The following CTNNA1 variants were observed in gnomAD, a reference collection of about 807,000 sequenced individuals.
The protein encoded by CTNNA1 is catenin alpha-1.
Under a neutral mutation model 98.4 loss-of-function variants are expected in CTNNA1, and 37 were observed. The ratio of observed to expected loss-of-function variants is 0.38; its 90% CI spans 0.29 to 0.49. CTNNA1 has a LOEUF of 0.49. CTNNA1 is among the 20% of genes least tolerant of loss of function. The pLI, the probability that CTNNA1 is intolerant of heterozygous loss-of-function variation, is 0.95. For missense variants in CTNNA1, 761 were observed against 1,147.2 expected (o/e 0.66, Z 4.86); for synonymous variants, 404 against 413.2 (o/e 0.98, Z 0.27).
At chr5:138,845,442 T>C (rs1180910618) in intron 7 of CTNNA1, among the ~76,000 whole-genome samples, 1 of 152,268 alleles carries the variant, frequency 6.6e-6, no homozygotes, top group Non-Finnish European at 1.5e-5. Flanking sequence ...TGGAGCCTGA[T>C]TCTACCTTTC....
chr5:138,827,264 T>TG (rs1760819249), intron 6 of CTNNA1, among the ~76,000 whole-genome samples: 1 of 152,252 alleles, frequency 6.6e-6, no homozygotes, highest in South Asian at 2.1e-4. Context: ...ATGATATGTT[T>TG]GTATTTGTGG....
intron 7 of CTNNA1, among the ~76,000 whole-genome samples, chr5:138,832,589 A>G (rs1233213721): frequency 4.6e-5 from 7 of 152,202 alleles, no homozygotes; most frequent in Non-Finnish European, 1.0e-4. Context: ...ATTTTTTTTC[A>G]TGATTGAAAT....
rs376046929 is a variant in CTNNA1 at position 138,800,097 on chromosome 5, A to G, written c.302-9941A>G. 1.8e-4 allele frequency among the ~76,000 whole-genome samples: 28 copies of G among 152,256 alleles called. 1 individual carries two copies. The East Asian group carries it at 4.1e-3, about 22-fold the overall frequency. ...TTTTTAGTAGAGACGGGGTTTTGCCATGTTGGCCAGGCTGGTTTTGAACTC... is the reference window on the plus strand; with the variant it reads ...TTTTTAGTAGAGACGGGGTTTTGCCGTGTTGGCCAGGCTGGTTTTGAACTC... On this transcript the variant is annotated intron_variant, in intron 3 of 17. Coordinates refer to ENST00000302763, the MANE Select transcript of CTNNA1 (RefSeq NM_001903.5).
chr5:138,848,380 T>C lies in CTNNA1; in HGVS notation c.1062+20662T>C, dbSNP rs574835474. On this transcript the variant is annotated intron_variant, in intron 7 of 17. Coordinates refer to ENST00000302763, the MANE Select transcript of CTNNA1 (RefSeq NM_001903.5). ...TAATTTATATTTGAATTGTTCACACTTTAAGTCCTCTTTTTTTTGTTTGTT... is the reference window on the plus strand; with the variant it reads ...TAATTTATATTTGAATTGTTCACACCTTAAGTCCTCTTTTTTTTGTTTGTT... 2.6e-5 allele frequency among the ~76,000 whole-genome samples: 4 copies of C among 152,366 alleles called. No individual in the cohort carries two copies. The East Asian group carries it at 7.7e-4, about 29-fold the overall frequency.
At chr5:138,761,043 G>T (rs918681208) in intron 1 of CTNNA1, among the ~76,000 whole-genome samples, 1 of 152,190 alleles carries the variant, frequency 6.6e-6, no homozygotes, top group Non-Finnish European at 1.5e-5. Flanking sequence ...GGATGTTAGG[G>T]ATCTGCCTTG....
rs147316234 is a variant in CTNNA1 at position 138,932,515 on chromosome 5, C to T, written c.2299-63C>T. The T allele has an allele frequency of 4.7e-5, 74 of 1,589,610 alleles. No individual in the cohort carries two copies. The East Asian group carries it at 1.1e-3, about 23-fold the overall frequency. ...CCACACTGAACCTTTCAGAAACAGC[C>T]GTGGGGTCGGGGGTGCTTGGGCCAG... On this transcript the variant is annotated intron_variant, in intron 16 of 17. Transcript: ENST00000302763.
chr5:138,880,032 G>A (rs1293791473), intron 7 of CTNNA1, among the ~76,000 whole-genome samples: 19 of 152,294 alleles, frequency 1.2e-4, no homozygotes, highest in East Asian at 3.9e-4. Context: ...GGAGCAATGC[G>A]TCTAAGTTGG....
chr5:138,914,101 G>A (rs537514018), intron 10 of CTNNA1, among the ~76,000 whole-genome samples: 2 of 152,260 alleles, frequency 1.3e-5, no homozygotes, highest in South Asian at 2.1e-4. Flanking sequence ...ACACAATTTT[G>A]TAATCAAAAT....
At position 138,934,928 on chromosome 5, in the gene CTNNA1, C is replaced by T. The variant is rs1766221954; in HGVS notation, c.*839C>T. 6.6e-6 allele frequency: 1 copy of T among 152,494 alleles called. No individual in the cohort carries two copies. Among genetic ancestry groups the T allele is most frequent in the Admixed American group, 6.5e-5 (1 of 15,288 alleles). 9.4% of individuals were successfully genotyped at this position (152,494 alleles called of 1,614,324 possible). A position where few individuals can be genotyped will look rare whatever the true frequency, so the allele number is the denominator to read the frequency against. ...TGATTGATTGATTGATTACTATTAA[C>T]TACAAGGTATAATTTACTATCACCT... On this transcript the variant is annotated 3_prime_UTR_variant, in exon 18 of 18. Transcript: ENST00000302763.
intron 7 of CTNNA1, among the ~76,000 whole-genome samples, chr5:138,845,913 GT>G (rs999952932): frequency 1.0e-5 from 1 of 95,742 alleles, no homozygotes; most frequent in Non-Finnish European, 2.4e-5. Context: ...AAGGGTACAG[GT>G]TTTTTTTGTT....
chr5:138,801,432 G>A (rs1275443432), intron 3 of CTNNA1, among the ~76,000 whole-genome samples: 1 of 152,006 alleles, frequency 6.6e-6, no homozygotes, highest in Non-Finnish European at 1.5e-5. Context: ...TACATGATGA[G>A]TTTTTTTCAA....
chr5:138,934,757 C>G lies in CTNNA1; in HGVS notation c.*668C>G, dbSNP rs184649187. The G allele has an allele frequency of 6.6e-6, 1 of 152,616 alleles. No homozygotes were observed. The highest frequency in any genetic ancestry group is 1.5e-5 in the Non-Finnish European group (1 of 68,064). The allele number at this position is 152,616 out of a possible 1,614,324, so 9.5% of individuals were successfully genotyped here. A position where few individuals can be genotyped will look rare whatever the true frequency, so the allele number is the denominator to read the frequency against. Reference sequence around the variant, plus strand: ...TCAGAACACACTTTTTTTCCTCTTTCTCCCAGCTTCAAATGCAAATTCATC... The same window carrying G: ...TCAGAACACACTTTTTTTCCTCTTTGTCCCAGCTTCAAATGCAAATTCATC... On this transcript the variant is annotated 3_prime_UTR_variant, in exon 18 of 18. Coordinates refer to ENST00000302763, the MANE Select transcript of CTNNA1 (RefSeq NM_001903.5).
chr5:138,931,813 C>T (rs977195565), intron 16 of CTNNA1: 168 of 985,372 alleles, frequency 1.7e-4, no homozygotes, highest in Admixed American at 7.4e-4. Flanking sequence ...GTATGGTCTG[C>T]GGGGTCTCAG....
At chr5:138,773,688 T>C (rs1753788991) in intron 1 of CTNNA1, among the ~76,000 whole-genome samples, 2 of 152,032 alleles carry the variant, frequency 1.3e-5, no homozygotes, top group South Asian at 4.1e-4. Flanking sequence ...GAAGCAGGAT[T>C]AGGGAGGCTG....
At chr5:138,893,701 G>A (rs1335084709) in intron 9 of CTNNA1, among the ~76,000 whole-genome samples, 5 of 151,878 alleles carry the variant, frequency 3.3e-5, no homozygotes, top group African/African-American at 7.3e-5. Flanking sequence ...TCGGCTCACT[G>A]CAACCTCCAC....
intron 7 of CTNNA1, among the ~76,000 whole-genome samples, chr5:138,867,490 G>T (rs536106468): frequency 3.9e-5 from 6 of 152,284 alleles, no homozygotes; most frequent in Admixed American, 3.9e-4. Context: ...GCAAGCCAAG[G>T]ACATTATAGT....
intron 9 of CTNNA1, among the ~76,000 whole-genome samples, chr5:138,897,035 A>G (rs1310754486): frequency 6.6e-6 from 1 of 152,154 alleles, no homozygotes; most frequent in Non-Finnish European, 1.5e-5. Flanking sequence ...AAATGCCATT[A>G]ATGAAATCCT....
At chr5:138,772,386 G>C (rs1315040319) in intron 1 of CTNNA1, among the ~76,000 whole-genome samples, 2 of 152,188 alleles carry the variant, frequency 1.3e-5, no homozygotes, top group Non-Finnish European at 2.9e-5. Flanking sequence ...AGTAGGTTTT[G>C]TGATAGATCT....
At chr5:138,850,142 A>G (rs899644819) in intron 7 of CTNNA1, among the ~76,000 whole-genome samples, 1 of 152,104 alleles carries the variant, frequency 6.6e-6, no homozygotes, top group Non-Finnish European at 1.5e-5. Flanking sequence ...TGTTTTCCTA[A>G]TGTTTATTTA....
Sources: gnomAD v4.1 joint callset for allele counts (sites outside exome capture counted in the v4.1 genomes callset) on GRCh38, gnomAD v4.1.1 for gene constraint, MANE v1.5 for transcripts, NCBI Gene and HGNC (gene_info 2026-07-23, HGNC 2026-07-21) for gene names.